The following ELMOD1 variants were observed in gnomAD, a reference collection of about 807,000 sequenced individuals.
The protein encoded by ELMOD1 is ELMO domain-containing protein 1.
A neutral mutation model predicts 46.7 loss-of-function variants in ELMOD1; 21 were observed. That is an observed-to-expected ratio of 0.45 (90% confidence interval 0.32 to 0.65). The LOEUF (loss-of-function observed/expected upper bound fraction) is 0.65, where lower values mean the gene tolerates loss of function less well. ELMOD1 is among the 30% of genes least tolerant of loss of function. ELMOD1 has a pLI of 0.04. For missense variants in ELMOD1, 348 were observed against 407.8 expected (o/e 0.85, Z 1.26); for synonymous variants, 122 against 138.2 (o/e 0.88, Z 0.82).
chr11:107,635,740 C>A lies in ELMOD1; in HGVS notation c.395C>A (p.Pro132His). Residue 132 changes from proline (P) to histidine (H), a missense_variant, in exon 6 of 12, where the codon CCC becomes CAC. Pro to His is a moderately conservative substitution (Grantham distance 77). Transcript: ENST00000265840. Reference protein sequence around the residue: ...LRREAYDSDNPQHEEMLLKLW... With the variant: ...LRREAYDSDNHQHEEMLLKLW... Reference sequence around the variant, plus strand: ...AGAGAGGCCTATGATTCTGATAATCCCCAACATGAAGAAATGCTTTTGAAG... The same window carrying A: ...AGAGAGGCCTATGATTCTGATAATCACCAACATGAAGAAATGCTTTTGAAG... 1 of 1,613,678 alleles carries A rather than the reference C, an allele frequency of 6.2e-7. No homozygotes were observed. The highest frequency in any genetic ancestry group is 8.5e-7 in the Non-Finnish European group (1 of 1,179,814).
At chr11:107,661,696 T>G (rs1866742576) in intron 11 of ELMOD1, among the ~76,000 whole-genome samples, 1 of 152,224 alleles carries the variant, frequency 6.6e-6, no homozygotes, top group Admixed American at 6.5e-5. Flanking sequence ...AAGGAAACTT[T>G]CTTTTTAAAA....
At chr11:107,616,669 G>T (rs188062743) in intron 1 of ELMOD1, among the ~76,000 whole-genome samples, 64 of 152,320 alleles carry the variant, frequency 4.2e-4, no homozygotes, top group African/African-American at 1.4e-3. Context: ...GTGAGCCAGG[G>T]TGCCTGGCCT....
intron 1 of ELMOD1, among the ~76,000 whole-genome samples, chr11:107,594,695 TTTC>T (rs1374308282): frequency 6.6e-6 from 1 of 152,204 alleles, no homozygotes; most frequent in African/African-American, 2.4e-5. Context: ...CAATAGTCAG[TTTC>T]TTCTTGGCAC....
chr11:107,656,606 A>AT (rs1333144323), intron 11 of ELMOD1, among the ~76,000 whole-genome samples: 2 of 149,718 alleles, frequency 1.3e-5, no homozygotes, highest in Non-Finnish European at 3.0e-5. Flanking sequence ...TTTGGTTCTG[A>AT]TTTTTTTGTT....
At chr11:107,628,730 A>G (rs1214521783) in intron 2 of ELMOD1, among the ~76,000 whole-genome samples, 1 of 151,558 alleles carries the variant, frequency 6.6e-6, no homozygotes, top group Non-Finnish European at 1.5e-5. Flanking sequence ...GCTTTTGGTG[A>G]TCATTTTATA....
At chr11:107,646,547 C>G (rs796254177) in intron 6 of ELMOD1, among the ~76,000 whole-genome samples, 1 of 151,972 alleles carries the variant, frequency 6.6e-6, no homozygotes, top group Non-Finnish European at 1.5e-5. Context: ...CAAGCCTGGC[C>G]GATGTGGTAA....
intron 5 of ELMOD1, among the ~76,000 whole-genome samples, chr11:107,633,330 T>C (rs1419729708): frequency 1.3e-5 from 2 of 152,238 alleles, no homozygotes; most frequent in Non-Finnish European, 1.5e-5. Context: ...ACTTTATAAC[T>C]TACCAAACTG....
chr11:107,654,204 G>T lies in ELMOD1; in HGVS notation c.680G>T (p.Arg227Met), dbSNP rs202173749. 325 of 1,591,538 alleles carry T rather than the reference G, an allele frequency of 2.0e-4. 3 individuals are homozygous for T. The East Asian group carries it at 6.0e-3, about 29-fold the overall frequency. The change falls in exon 10 of 12, where the codon AGG becomes ATG. Residue 227 changes from arginine (R) to methionine (M), a missense_variant. Transcript: ENST00000265840. Reference sequence around the variant, plus strand: ...AGCAAAGCAGAATGGGAGAAGAAAAGGATGGATAAGGCAATTGGGTGAGTA... The same window carrying T: ...AGCAAAGCAGAATGGGAGAAGAAAATGATGGATAAGGCAATTGGGTGAGTA... ...KFSKAEWEKK[R>M]MDKAIGYSFA...
At chr11:107,626,561 C>G (rs1263587681) in intron 2 of ELMOD1, among the ~76,000 whole-genome samples, 1 of 148,176 alleles carries the variant, frequency 6.7e-6, no homozygotes, top group African/African-American at 2.5e-5. Context: ...CTGTCCCCCA[C>G]TTCCCCTTCC....
intron 3 of ELMOD1, 63 bp from the exon 4 acceptor site, chr11:107,630,637 G>T: frequency 6.2e-7 from 1 of 1,601,164 alleles, no homozygotes; most frequent in Non-Finnish European, 8.5e-7. Context: ...TTTCAGTGTA[G>T]TAATTCTAAA....
At chr11:107,647,241 C>A (rs994455853) in intron 6 of ELMOD1, among the ~76,000 whole-genome samples, 16 of 152,038 alleles carry the variant, frequency 1.1e-4, no homozygotes, top group African/African-American at 3.9e-4. Flanking sequence ...TGGGAACCTC[C>A]TGGGAGGCTT....
At chr11:107,625,651 G>A (rs769776823) in intron 2 of ELMOD1, 3 of 809,016 alleles carry the variant, frequency 3.7e-6, no homozygotes, top group Non-Finnish European at 4.5e-6. Flanking sequence ...AAGACCGGAG[G>A]TTGCTTTTGT....
chr11:107,655,573 C>CTTTTTTTTTTTTTTTTTTTT (rs746890763), intron 10 of ELMOD1, among the ~76,000 whole-genome samples: 16 of 112,442 alleles, frequency 1.4e-4, no homozygotes, highest in East Asian at 3.2e-4. Flanking sequence ...ATTGAAATGC[C>CTTTTTTTTTTTTTTTTTTTT]TTTTTTTTTT....
intron 1 of ELMOD1, among the ~76,000 whole-genome samples, chr11:107,599,487 A>G (rs574180376): frequency 6.6e-6 from 1 of 152,224 alleles, no homozygotes; most frequent in Admixed American, 6.5e-5. Context: ...CACACCTGTA[A>G]TCCCTGCACT....
intron 1 of ELMOD1, chr11:107,591,628 C>G (rs1386959540): frequency 5.6e-6 from 2 of 358,940 alleles, no homozygotes; most frequent in Non-Finnish European, 1.2e-5. Flanking sequence ...CCCCTTCTAT[C>G]CTGTCCTCCC....
chr11:107,665,623 G>C lies in ELMOD1; in HGVS notation c.*426G>C, dbSNP rs1303487786. Reference sequence around the variant, plus strand: ...CTACTGCTGCTAGCTCTTCAAGCCAGGTTCATGCTTGGACCTCATTCTGAT... The same window carrying C: ...CTACTGCTGCTAGCTCTTCAAGCCACGTTCATGCTTGGACCTCATTCTGAT... On this transcript the variant is annotated 3_prime_UTR_variant, in exon 12 of 12. Transcript: ENST00000265840. 1 of 159,586 alleles carries C rather than the reference G, an allele frequency of 6.3e-6. No individual in the cohort carries two copies. The highest frequency in any genetic ancestry group is 2.4e-5 in the African/African-American group (1 of 41,474). The allele number at this position is 159,586 out of a possible 1,614,324, so 9.9% of individuals were successfully genotyped here.
chr11:107,593,662 TG>T, intron 1 of ELMOD1, among the ~76,000 whole-genome samples: 1 of 152,206 alleles, frequency 6.6e-6, no homozygotes, highest in Non-Finnish European at 1.5e-5. Flanking sequence ...AATAAAAAGG[TG>T]GGCTGCCCAG....
intron 1 of ELMOD1, chr11:107,600,719 A>G (rs944694250): frequency 6.5e-6 from 1 of 152,878 alleles, no homozygotes; most frequent in African/African-American, 2.4e-5. Flanking sequence ...CCTATTAAAT[A>G]TTTCCCACCC....
chr11:107,625,650 G>A (rs1866028780), intron 2 of ELMOD1: 1 of 825,292 alleles, frequency 1.2e-6, no homozygotes, highest in Non-Finnish European at 1.5e-6. Context: ...CAAGACCGGA[G>A]GTTGCTTTTG....
Sources: allele counts gnomAD v4.1 joint callset (sites outside exome capture counted in the v4.1 genomes callset), GRCh38; gene constraint gnomAD v4.1.1; transcripts MANE v1.5; gene names NCBI Gene and HGNC (gene_info 2026-07-23, HGNC 2026-07-21).